The following PLK1 variants were observed in gnomAD, a reference collection of about 807,000 sequenced individuals.
PLK1 encodes the protein polo like kinase 1, also known as serine/threonine-protein kinase PLK1.
A neutral mutation model predicts 56.7 loss-of-function variants in PLK1; 6 were observed. The ratio of observed to expected loss-of-function variants is 0.11; its 90% CI spans 0.06 to 0.21. PLK1 has a LOEUF of 0.21. Among genes scored for constraint, PLK1 ranks in the 10% least tolerant of loss-of-function variants. The pLI, the probability that PLK1 is intolerant of heterozygous loss-of-function variation, is 1.00. For synonymous variants in PLK1, 298 were observed against 325.0 expected, an observed-to-expected ratio of 0.92 and a Z score of 0.89; for missense variants, 546 against 814.4, an observed-to-expected ratio of 0.67 and a Z score of 4.01.
Position 23,678,910 on chromosome 16 carries a change from G to C in PLK1, c.-23G>C. 6.7e-7 allele frequency: 1 copy of C among 1,482,754 alleles called. No individual in the cohort carries two copies. The highest frequency in any genetic ancestry group is 2.4e-5 in the Admixed American group (1 of 42,524). The allele number at this position is 1,482,754 out of a possible 1,614,324, so 91.8% of individuals were successfully genotyped here. A position where few individuals can be genotyped will look rare whatever the true frequency, so the allele number is the denominator to read the frequency against. On this transcript the variant is annotated 5_prime_UTR_variant, in exon 1 of 10. Coordinates refer to ENST00000300093, the MANE Select transcript of PLK1 (RefSeq NM_005030.6). ...GTGCGGAGGCTCTGCTCGGATCGAG[G>C]TCTGCAGCGCAGCTTCGGGAGCATG...
intron 1 of PLK1, 57 bp downstream of exon 1, chr16:23,679,397 C>T (rs1032006922): frequency 1.3e-6 from 2 of 1,513,374 alleles, no homozygotes; most frequent in African/African-American, 1.4e-5. Context: ...AGCGCCCAGA[C>T]CTGGAGCTGC....
intron 5 of PLK1, among the ~76,000 whole-genome samples, chr16:23,684,635 G>C (rs959653072): frequency 6.6e-6 from 1 of 152,214 alleles, no homozygotes; most frequent in African/African-American, 2.4e-5. Flanking sequence ...ACAGGCATGA[G>C]CTGCTACATC....
Position 23,688,650 on chromosome 16 carries a change from T to C in PLK1, c.1193-18T>C, listed in dbSNP as rs368823668. 1 of 1,599,132 alleles carries C rather than the reference T, an allele frequency of 6.3e-7. No individual in the cohort carries two copies. Among genetic ancestry groups the C allele is most frequent in the Non-Finnish European group, 8.6e-7 (1 of 1,166,230 alleles). ...GGCTGGTCCTGACCAACTAACTGTC[T>C]GTCTGTTTCTGTCTCAGAGGAGGCT... On this transcript the variant is annotated intron_variant, in intron 6 of 9. Coordinates refer to ENST00000300093, the MANE Select transcript of PLK1 (RefSeq NM_005030.6).
intron 5 of PLK1, among the ~76,000 whole-genome samples, chr16:23,685,835 C>T (rs1959419264): frequency 6.6e-6 from 1 of 151,830 alleles, no homozygotes; most frequent in Non-Finnish European, 1.5e-5. Flanking sequence ...AGGTGTGAGC[C>T]ACTGTGCCCT....
Position 23,688,730 on chromosome 16 carries a change from G to T in PLK1, c.1255G>T (p.Asp419Tyr). ...GGTCAGCAAGTGGGTGGACTATTCG[G>T]ACAAGTACGGCCTTGGTAGGTTTCT... Reference protein sequence around the residue: ...FWVSKWVDYSDKYGLGYQLCD... With the variant: ...FWVSKWVDYSYKYGLGYQLCD... The change falls in exon 7 of 10, where the codon GAC becomes TAC. Residue 419 changes from aspartate (D) to tyrosine (Y), a missense_variant. By Grantham distance (160) the Asp-to-Tyr change is radical. Transcript: ENST00000300093. The T allele has an allele frequency of 6.2e-7, 1 of 1,613,192 alleles. No individual in the cohort carries two copies. The highest frequency in any genetic ancestry group is 8.5e-7 in the Non-Finnish European group (1 of 1,179,078).
Position 23,689,757 on chromosome 16 carries a change from G to A in PLK1, c.1608+81G>A. ...GCAGTGGCCCATGTGGGTTGAATGTGGAGTGAGCGGCTCAGGTACCTATAA... is the reference window on the plus strand; with the variant it reads ...GCAGTGGCCCATGTGGGTTGAATGTAGAGTGAGCGGCTCAGGTACCTATAA... On this transcript the variant is annotated intron_variant, in intron 9 of 9. Transcript: ENST00000300093. This position sits in a 1 kb window ranked among gnomAD's most constrained non-coding sequence, Gnocchi z 4.8. 1 of 1,528,052 alleles carries A rather than the reference G, an allele frequency of 6.5e-7. No individual in the cohort carries two copies. Among genetic ancestry groups the A allele is most frequent in the Non-Finnish European group, 9.0e-7 (1 of 1,114,412 alleles). The allele number at this position is 1,528,052 out of a possible 1,614,324, so 94.7% of individuals were successfully genotyped here. A position where few individuals can be genotyped will look rare whatever the true frequency, so the allele number is the denominator to read the frequency against.
In PLK1 at chr16:23,689,856, G is replaced by T. The variant is rs762392063; in HGVS notation, c.1609-4G>T. ...CGCCAACCCCTGCTGCTCTTCTCTT[G>T]CAGGATCACACCAAGCTCATCTTGT... is the stretch of plus-strand genomic sequence containing the variant. On this transcript the variant is annotated splice_polypyrimidine_tract_variant and splice_region_variant and intron_variant, in intron 9 of 9. Transcript: ENST00000300093. This position sits in a 1 kb window ranked among gnomAD's most constrained non-coding sequence, Gnocchi z 4.8. The T allele has an allele frequency of 1.2e-5, 19 of 1,612,756 alleles. No homozygotes were observed. The highest frequency in any genetic ancestry group is 1.4e-5 in the Non-Finnish European group (16 of 1,179,044).
chr16:23,687,410 A>G, intron 5 of PLK1, 59 bp from the exon 6 acceptor site: 1 of 1,371,410 alleles, frequency 7.3e-7, no homozygotes, highest in Non-Finnish European at 9.8e-7. Context: ...GAAGAGTTTC[A>G]GCTGTGGCAG....
In PLK1 at chr16:23,683,857, C is replaced by T. The variant is rs767885145; in HGVS notation, c.817-13C>T. ...TCACATTCTGCTTATGGCTGTCCCT[C>T]TCTCTGCCCCAGCACATCAACCCCG... On this transcript the variant is annotated splice_polypyrimidine_tract_variant and intron_variant, in intron 4 of 9. Transcript: ENST00000300093. 1.9e-6 allele frequency: 3 copies of T among 1,607,170 alleles called. No individual in the cohort carries two copies. The East Asian group carries it at 6.7e-5, about 36-fold the overall frequency.
intron 1 of PLK1, chr16:23,679,838 A>C: frequency 1.0e-5 from 4 of 385,134 alleles, no homozygotes; most frequent in East Asian, 4.1e-5. Context: ...TAAGGGGGGA[A>C]GCTAGTAGGA....
intron 7 of PLK1, 125 bp downstream of exon 7, chr16:23,688,870 G>T: frequency 1.4e-6 from 1 of 729,720 alleles, no homozygotes; most frequent in South Asian, 1.6e-5. Context: ...TCCATCCCAG[G>T]CCTCCCAGTT....
intron 4 of PLK1, among the ~76,000 whole-genome samples, chr16:23,682,624 G>A (rs1404733841): frequency 1.3e-5 from 2 of 150,624 alleles, no homozygotes; most frequent in Non-Finnish European, 2.9e-5. Context: ...CCAGGTTCAA[G>A]CGATTCTCCT....
Position 23,690,171 on chromosome 16 carries a change from G to T in PLK1, c.*108G>T, listed in dbSNP as rs754099077. 1 of 839,570 alleles carries T rather than the reference G, an allele frequency of 1.2e-6. No homozygotes were observed. The allele number at this position is 839,570 out of a possible 1,614,324, so 52.0% of individuals were successfully genotyped here. A position where few individuals can be genotyped will look rare whatever the true frequency, so the allele number is the denominator to read the frequency against. On this transcript the variant is annotated 3_prime_UTR_variant, in exon 10 of 10. Transcript: ENST00000300093. ...TGTCTGCAGTGTGCCCCCCAGCCCC[G>T]GTGGCTGGGCAGAGCTGCATCATCC...
At chr16:23,685,426 G>A (rs1270318979) in intron 5 of PLK1, among the ~76,000 whole-genome samples, 1 of 152,098 alleles carries the variant, frequency 6.6e-6, no homozygotes, top group Non-Finnish European at 1.5e-5. Flanking sequence ...CTACAGGCAT[G>A]TGCCACCATA....
At chr16:23,683,392 G>A (rs972956454) in intron 4 of PLK1, among the ~76,000 whole-genome samples, 1 of 152,202 alleles carries the variant, frequency 6.6e-6, no homozygotes, top group Non-Finnish European at 1.5e-5. Context: ...TAGTGTCCTT[G>A]TGTGAAGCCA....
At position 23,688,656 on chromosome 16, in the gene PLK1, T is replaced by C. The variant is rs1959471444; in HGVS notation, c.1193-12T>C. 1 of 1,607,506 alleles carries C rather than the reference T, an allele frequency of 6.2e-7. No homozygotes were observed. Among genetic ancestry groups the C allele is most frequent in the South Asian group, 1.1e-5 (1 of 90,978 alleles). Reference sequence around the variant, plus strand: ...TCCTGACCAACTAACTGTCTGTCTGTTTCTGTCTCAGAGGAGGCTGAGGAT... The same window carrying C: ...TCCTGACCAACTAACTGTCTGTCTGCTTCTGTCTCAGAGGAGGCTGAGGAT... On this transcript the variant is annotated splice_polypyrimidine_tract_variant and intron_variant, in intron 6 of 9. Coordinates refer to ENST00000300093, the MANE Select transcript of PLK1 (RefSeq NM_005030.6).
chr16:23,680,030 C>A, intron 1 of PLK1, 54 bp from the exon 2 acceptor site: 2 of 1,320,558 alleles, frequency 1.5e-6, no homozygotes, highest in Non-Finnish European at 2.2e-6. Context: ...CTCCCTTCCC[C>A]ACCGGCCTCA....
In PLK1 at chr16:23,689,254, T is replaced by C. The variant is rs760765312; in HGVS notation, c.1287T>C (p.Asp429=). 2.5e-6 allele frequency: 4 copies of C among 1,612,660 alleles called. No individual in the cohort carries two copies. Among genetic ancestry groups the C allele is most frequent in the Admixed American group, 1.7e-5 (1 of 59,962 alleles). ...DKYGLGYQLC[D]NSVGVLFNDS... is the part of the protein sequence containing the mutation. Reference sequence around the variant, plus strand: ...GATCCCTAGGGTATCAGCTCTGTGATAACAGCGTGGGGGTGCTCTTCAATG... The same window carrying C: ...GATCCCTAGGGTATCAGCTCTGTGACAACAGCGTGGGGGTGCTCTTCAATG... The change falls in exon 8 of 10, where the codon GAT becomes GAC. Residue 429 remains aspartate, a synonymous_variant. Coordinates refer to ENST00000300093, the MANE Select transcript of PLK1 (RefSeq NM_005030.6). This position sits in a 1 kb window ranked among gnomAD's most constrained non-coding sequence, Gnocchi z 4.8.
At chr16:23,681,276 G>A (rs1959327079) in intron 3 of PLK1, among the ~76,000 whole-genome samples, 1 of 152,184 alleles carries the variant, frequency 6.6e-6, no homozygotes, top group Non-Finnish European at 1.5e-5. Flanking sequence ...GTACAGCGGA[G>A]GAGGAGGAGG....
Sources: allele counts gnomAD v4.1 joint callset (sites outside exome capture counted in the v4.1 genomes callset), GRCh38; gene constraint gnomAD v4.1.1; non-coding constraint Gnocchi (gnomAD v3.1); transcripts MANE v1.5; gene names NCBI Gene and HGNC (gene_info 2026-07-23, HGNC 2026-07-21).